GRIN2A: variants seen among roughly 807,000 people sequenced by gnomAD.
GRIN2A encodes the protein glutamate receptor ionotropic, NMDA 2A.
In GRIN2A, 22 loss-of-function variants were observed where a neutral mutation model predicts 113.4. The ratio of observed to expected loss-of-function variants is 0.19; its 90% CI spans 0.14 to 0.28. The LOEUF (loss-of-function observed/expected upper bound fraction) is 0.28, where lower values mean the gene tolerates loss of function less well. Among genes scored for constraint, GRIN2A ranks in the 10% least tolerant of loss-of-function variants. The pLI is 1.00. For synonymous variants in GRIN2A, 827 were observed against 738.4 expected (o/e 1.12, Z -1.94); for missense variants, 1,502 against 1,887.0 (o/e 0.80, Z 3.78).
intron 4 of GRIN2A, among the ~76,000 whole-genome samples, chr16:9,869,459 A>C (rs1023597479): frequency 6.6e-6 from 1 of 152,250 alleles, no homozygotes; most frequent in East Asian, 1.9e-4. Context: ...ACAAGTTAGC[A>C]CACAGAGGTA....
At chr16:10,040,025 CAAATAT>C (rs1355734275) in intron 2 of GRIN2A, among the ~76,000 whole-genome samples, 11 of 102,100 alleles carry the variant, frequency 1.1e-4, no homozygotes, top group East Asian at 4.5e-4. Context: ...ACACCACACA[CAAATAT>C]ACTACACACA....
intron 11 of GRIN2A, among the ~76,000 whole-genome samples, chr16:9,793,952 G>A (rs1348361412): frequency 4.6e-5 from 7 of 152,076 alleles, no homozygotes; most frequent in Admixed American, 4.6e-4. Context: ...GTTCATTGAG[G>A]GTAAGAAGAA....
At chr16:10,032,569 C>A (rs2046949675) in intron 2 of GRIN2A, among the ~76,000 whole-genome samples, 1 of 152,196 alleles carries the variant, frequency 6.6e-6, no homozygotes, top group Non-Finnish European at 1.5e-5. Flanking sequence ...TCAGCCCTTG[C>A]AACCCACCTT....
intron 2 of GRIN2A, among the ~76,000 whole-genome samples, chr16:10,070,498 C>T (rs553342919): frequency 6.6e-6 from 1 of 151,894 alleles, no homozygotes; most frequent in Non-Finnish European, 1.5e-5. Context: ...TGCCATATGT[C>T]AGTTATTTGT....
At chr16:10,032,557 T>C (rs1004985868) in intron 2 of GRIN2A, among the ~76,000 whole-genome samples, 2 of 152,196 alleles carry the variant, frequency 1.3e-5, no homozygotes, top group African/African-American at 4.8e-5. Context: ...ATAAATTAAC[T>C]TTCAGCCCTT....
intron 11 of GRIN2A, among the ~76,000 whole-genome samples, chr16:9,775,723 G>A (rs757877829): frequency 1.1e-4 from 17 of 152,192 alleles, no homozygotes; most frequent in African/African-American, 1.7e-4. Flanking sequence ...CAGCAAGGCC[G>A]TCAGATGTAC....
At chr16:9,996,895 C>T (rs977032989) in intron 2 of GRIN2A, among the ~76,000 whole-genome samples, 1 of 152,100 alleles carries the variant, frequency 6.6e-6, no homozygotes, top group Non-Finnish European at 1.5e-5. Flanking sequence ...CCTCTAACAC[C>T]AGGTGTTTTT....
chr16:10,081,874 A>C (rs1375076), intron 2 of GRIN2A, among the ~76,000 whole-genome samples: 130,057 of 151,790 alleles, frequency 0.86, 56,238 homozygotes, highest in East Asian at 1. Context: ...TCAGATTGGT[A>C]AGCTGAGACC....
intron 11 of GRIN2A, among the ~76,000 whole-genome samples, chr16:9,785,725 A>T (rs968681292): frequency 2.5e-4 from 38 of 150,018 alleles, no homozygotes; most frequent in East Asian, 7.7e-4. Context: ...AAGTTTCAAT[A>T]AAAAAAACCC....
intron 11 of GRIN2A, among the ~76,000 whole-genome samples, chr16:9,793,050 C>T (rs7197004): frequency 3.9e-5 from 6 of 152,120 alleles, no homozygotes; most frequent in Non-Finnish European, 5.9e-5. Flanking sequence ...AAGATCCTCA[C>T]GTGATTCTTG....
chr16:9,758,543 T>A lies in GRIN2A; in HGVS notation c.*4606A>T, dbSNP rs1451677320. On this transcript the variant is annotated 3_prime_UTR_variant, in exon 13 of 13. Transcript: ENST00000330684. ...GTTAATACCATCATCACCATTTAAT[T>A]TTTAACATAAACTTTACAATATGTA... 1 of 210,700 alleles carries A rather than the reference T, an allele frequency of 4.7e-6. No individual in the cohort carries two copies. Among genetic ancestry groups the A allele is most frequent in the Non-Finnish European group, 9.6e-6 (1 of 103,828 alleles). The allele number at this position is 210,700 out of a possible 1,614,324, so 13.1% of individuals were successfully genotyped here. A position where few individuals can be genotyped will look rare whatever the true frequency, so the allele number is the denominator to read the frequency against.
intron 8 of GRIN2A, among the ~76,000 whole-genome samples, chr16:9,830,480 C>CAAAAA (rs71400501): frequency 1.2e-4 from 9 of 73,066 alleles, no homozygotes; most frequent in African/African-American, 1.3e-4. Context: ...TCTGCATGGG[C>CAAAAA]AAAAAAAAAA....
intron 3 of GRIN2A, among the ~76,000 whole-genome samples, chr16:9,937,261 A>AG (rs2044734658): frequency 2.0e-5 from 3 of 152,286 alleles, no homozygotes; most frequent in African/African-American, 7.2e-5. Flanking sequence ...TAGGGTAAAA[A>AG]AAAACATAGA....
At chr16:9,949,076 C>G (rs760092242) in intron 2 of GRIN2A, among the ~76,000 whole-genome samples, 1 of 152,216 alleles carries the variant, frequency 6.6e-6, no homozygotes, top group Non-Finnish European at 1.5e-5. Context: ...AAATAGGAAA[C>G]AGCTGCCGCC....
chr16:9,878,854 GACACACAC>G (rs35475437), intron 4 of GRIN2A, among the ~76,000 whole-genome samples: 2 of 149,112 alleles, frequency 1.3e-5, no homozygotes, highest in African/African-American at 4.9e-5. Flanking sequence ...ACCAGTGCAA[GACACACAC>G]ACACACACAC....
intron 2 of GRIN2A, among the ~76,000 whole-genome samples, chr16:10,136,150 T>A (rs776985857): frequency 8.5e-5 from 13 of 152,178 alleles, no homozygotes; most frequent in Non-Finnish European, 1.8e-4. Context: ...CCAACCCCAC[T>A]GGTTCTGAAG....
chr16:9,936,125 A>G (rs566747574), intron 3 of GRIN2A, among the ~76,000 whole-genome samples: 12 of 152,210 alleles, frequency 7.9e-5, no homozygotes, highest in Non-Finnish European at 1.8e-4. Flanking sequence ...GAATATGACA[A>G]TCTCTAGAAC....
At chr16:10,140,989 T>A (rs1381186112) in intron 2 of GRIN2A, among the ~76,000 whole-genome samples, 1 of 151,230 alleles carries the variant, frequency 6.6e-6, no homozygotes, top group Non-Finnish European at 1.5e-5. Flanking sequence ...AGCCCAGGAG[T>A]TTGAGACCAG....
At chr16:9,950,317 C>G (rs1239327790) in intron 2 of GRIN2A, among the ~76,000 whole-genome samples, 1 of 152,202 alleles carries the variant, frequency 6.6e-6, no homozygotes, top group East Asian at 1.9e-4. Flanking sequence ...AAAGCTTTTC[C>G]TAGGTATCTT....
Sources: gnomAD v4.1 joint callset for allele counts (sites outside exome capture counted in the v4.1 genomes callset) on GRCh38, gnomAD v4.1.1 for gene constraint, MANE v1.5 for transcripts, NCBI Gene and HGNC (gene_info 2026-07-23, HGNC 2026-07-21) for gene names.